The following CLOCK variants were observed in gnomAD, a reference collection of about 807,000 sequenced individuals.
The protein encoded by CLOCK is clock circadian regulator, also known as circadian locomoter output cycles protein kaput.
A neutral mutation model predicts 118.4 loss-of-function variants in CLOCK; 43 were observed. The ratio of observed to expected loss-of-function variants is 0.36; its 90% CI spans 0.28 to 0.47. The LOEUF is 0.47. Among genes scored for constraint, CLOCK ranks in the 20% least tolerant of loss-of-function variants. CLOCK has a pLI of 1.00. For synonymous variants in CLOCK, 326 were observed against 339.2 expected (o/e 0.96, Z 0.43); for missense variants, 846 against 999.9 (o/e 0.85, Z 2.08).
intron 8 of CLOCK, among the ~76,000 whole-genome samples, chr4:55,465,327 G>A (rs931060444): frequency 6.6e-6 from 1 of 152,142 alleles, no homozygotes; most frequent in African/African-American, 2.4e-5. Context: ...GCGGCTTGAT[G>A]ATCCATGGAT....
intron 14 of CLOCK, chr4:55,453,338 T>A (rs1456027357): frequency 3.8e-6 from 2 of 531,862 alleles, no homozygotes; most frequent in African/African-American, 3.8e-5. Flanking sequence ...CTGTAAACGA[T>A]CCATAACCAC....
At chr4:55,463,570 T>C (rs1404493919) in intron 9 of CLOCK, 115 bp downstream of exon 9, 5 of 909,080 alleles carry the variant, frequency 5.5e-6, no homozygotes, top group Non-Finnish European at 8.6e-6. Context: ...AAGGACCTAA[T>C]AGGGCATATG....
intron 15 of CLOCK, among the ~76,000 whole-genome samples, chr4:55,451,122 C>T (rs976718306): frequency 1.3e-5 from 2 of 152,024 alleles, no homozygotes; most frequent in African/African-American, 2.4e-5. Flanking sequence ...TGTAGCAAAA[C>T]CCCTCCCTAT....
intron 5 of CLOCK, 136 bp from the exon 6 acceptor site, chr4:55,479,099 A>G (rs1726739657): frequency 5.9e-6 from 4 of 676,198 alleles, no homozygotes; most frequent in Non-Finnish European, 9.3e-6. Flanking sequence ...CCAGGTTACC[A>G]ATATACAGTT....
At position 55,470,786 on chromosome 4, in the gene CLOCK, T is replaced by TAA; in HGVS notation, c.367_368dup (p.Leu123PhefsTer2). On this transcript the variant is annotated frameshift_variant, in exon 8 of 23. Coordinates refer to ENST00000513440, the MANE Select transcript of CLOCK (RefSeq NM_004898.4). LOFTEE classifies it high-confidence loss of function. ...TTATGCTTCCATCTGTCATGATTGC[T>TAA]AAAAAAAAACCATCAAGAGCCTGAA... 1 of 1,591,986 alleles carries TAA rather than the reference T, an allele frequency of 6.3e-7. No individual in the cohort carries two copies. The highest frequency in any genetic ancestry group is 8.6e-7 in the Non-Finnish European group (1 of 1,164,994).
At chr4:55,522,618 G>A (rs1273070821) in intron 1 of CLOCK, among the ~76,000 whole-genome samples, 1 of 151,874 alleles carries the variant, frequency 6.6e-6, no homozygotes, top group Non-Finnish European at 1.5e-5. Flanking sequence ...ACCCCTTAAG[G>A]AACAGTAAGA....
intron 2 of CLOCK, among the ~76,000 whole-genome samples, chr4:55,503,415 CATA>C (rs1425459922): frequency 6.6e-6 from 1 of 152,286 alleles, no homozygotes; most frequent in Admixed American, 6.5e-5. Context: ...GAATGAGTCA[CATA>C]ATAGTTATCT....
intron 1 of CLOCK, among the ~76,000 whole-genome samples, chr4:55,539,899 A>G (rs576676613): frequency 1.2e-3 from 183 of 152,306 alleles, no homozygotes; most frequent in Non-Finnish European, 2.3e-3. Flanking sequence ...ATAACATCAT[A>G]TAAGTATACA....
At position 55,539,572 on chromosome 4, in the gene CLOCK, C is replaced by CAAAAAAAAAAAAAA. The variant is rs57022769; in HGVS notation, c.-290+7196_-290+7209dup. On this transcript the variant is annotated intron_variant, in intron 1 of 22. Coordinates refer to ENST00000513440, the MANE Select transcript of CLOCK (RefSeq NM_004898.4). Reference sequence around the variant, plus strand: ...TGGGTGCCAGAGTGAGACCTTGTCTCAAAAAAAAAAAAAAAAAAAAAAAAA... The same window carrying CAAAAAAAAAAAAAA: ...TGGGTGCCAGAGTGAGACCTTGTCTCAAAAAAAAAAAAAAAAAAAAAAAAAAAAAAAAAAAAAAA... Among the ~76,000 whole-genome samples, 4 of 52,064 alleles carry CAAAAAAAAAAAAAA rather than the reference C, an allele frequency of 7.7e-5. 1 individual carries two copies. The highest frequency in any genetic ancestry group is 1.3e-4 in the Non-Finnish European group (4 of 31,352). The allele number at this position is 52,064 out of a possible 152,430, so 34.2% of individuals were successfully genotyped here. A position where few individuals can be genotyped will look rare whatever the true frequency, so the allele number is the denominator to read the frequency against.
intron 2 of CLOCK, among the ~76,000 whole-genome samples, chr4:55,502,918 T>C (rs756298162): frequency 2.6e-5 from 4 of 152,194 alleles, no homozygotes; most frequent in Non-Finnish European, 4.4e-5. Context: ...TTTTAAATCA[T>C]CAGGGAATTA....
intron 20 of CLOCK, 128 bp from the exon 21 acceptor site, chr4:55,442,762 G>C: frequency 1.2e-6 from 1 of 826,600 alleles, no homozygotes; most frequent in Non-Finnish European, 2.0e-6. Context: ...ATATTACTCT[G>C]GGGGAAATAT....
intron 21 of CLOCK, chr4:55,442,179 T>G: frequency 4.3e-6 from 2 of 465,336 alleles, no homozygotes; most frequent in East Asian, 4.0e-5. Flanking sequence ...TCTAACAGTG[T>G]GCTGCAGAAT....
In CLOCK at chr4:55,433,883, CTTT is replaced by C. The variant is rs967496293; in HGVS notation, c.*1529_*1531del. The stretch of plus-strand genomic sequence containing the variant: ...AGGCATAGCCAAATCCCTACCCCTT[CTTT>C]TTTCTTTGTAGGAATATCAAGATCA... On this transcript the variant is annotated 3_prime_UTR_variant, in exon 23 of 23. Coordinates refer to ENST00000513440, the MANE Select transcript of CLOCK (RefSeq NM_004898.4). The C allele has an allele frequency of 6.6e-5, 10 of 152,122 alleles. No individual in the cohort carries two copies. Among genetic ancestry groups the C allele is most frequent in the African/African-American group, 1.9e-4 (8 of 41,428 alleles). 9.4% of individuals were successfully genotyped at this position (152,122 alleles called of 1,614,324 possible). A position where few individuals can be genotyped will look rare whatever the true frequency, so the allele number is the denominator to read the frequency against.
chr4:55,453,645 G>GT, intron 14 of CLOCK, 32 bp downstream of exon 14: 1 of 1,589,790 alleles, frequency 6.3e-7, no homozygotes, highest in Non-Finnish European at 8.6e-7. Flanking sequence ...GGATGTTACA[G>GT]TAATTCAGAA....
intron 15 of CLOCK, among the ~76,000 whole-genome samples, chr4:55,451,033 T>G (rs1724396233): frequency 6.6e-6 from 1 of 151,254 alleles, no homozygotes. Flanking sequence ...GTTATTTCTC[T>G]CAACTTAAAA....
chr4:55,469,227 G>GC (rs1473669414), intron 8 of CLOCK, among the ~76,000 whole-genome samples: 1 of 151,686 alleles, frequency 6.6e-6, no homozygotes, highest in South Asian at 2.1e-4. Flanking sequence ...CCAGGTTCAG[G>GC]CGATTCTACA....
chr4:55,535,201 T>G (rs1036637404), intron 1 of CLOCK, among the ~76,000 whole-genome samples: 2 of 141,968 alleles, frequency 1.4e-5, no homozygotes, highest in African/African-American at 5.0e-5. Context: ...AAAAATTTTT[T>G]TGCTTCTTGA....
intron 2 of CLOCK, among the ~76,000 whole-genome samples, chr4:55,492,717 C>A (rs1038946447): frequency 2.6e-5 from 4 of 151,934 alleles, no homozygotes; most frequent in African/African-American, 9.7e-5. Flanking sequence ...TGGTGGCACA[C>A]GCCTGTAATC....
intron 7 of CLOCK, 79 bp from the exon 8 acceptor site, chr4:55,470,885 G>T: frequency 1.0e-6 from 1 of 980,510 alleles, no homozygotes; most frequent in South Asian, 1.4e-5. Flanking sequence ...TGAGATAAAT[G>T]ACAAAGGATT....
Sources: allele counts gnomAD v4.1 joint callset (sites outside exome capture counted in the v4.1 genomes callset), GRCh38; gene constraint gnomAD v4.1.1; transcripts MANE v1.5; gene names NCBI Gene and HGNC (gene_info 2026-07-23, HGNC 2026-07-21).